Variants in FARS2 observed in about 807,000 individuals in gnomAD.
FARS2 encodes the protein phenylalanyl-tRNA synthetase 2, mitochondrial, also known as phenylalanine--tRNA ligase, mitochondrial.
In FARS2, 40 loss-of-function variants were observed where a neutral mutation model predicts 46.4. That is an observed-to-expected ratio of 0.86 (90% confidence interval 0.67 to 1.12). FARS2 has a LOEUF of 1.12. FARS2 is among the 50% of genes most tolerant of loss of function. FARS2 has a pLI of 0.00. For synonymous variants in FARS2, 234 were observed against 214.9 expected, an observed-to-expected ratio of 1.09 and a Z score of -0.78; for missense variants, 513 against 567.9, an observed-to-expected ratio of 0.90 and a Z score of 0.98.
chr6:5,337,520 T>C (rs1771246368), intron 1 of FARS2, among the ~76,000 whole-genome samples: 1 of 152,206 alleles, frequency 6.6e-6, no homozygotes, highest in Admixed American at 6.5e-5. Context: ...TTATAAAGTC[T>C]TGTGACTTGT....
chr6:5,447,046 A>G (rs186970579), intron 4 of FARS2, among the ~76,000 whole-genome samples: 245 of 152,366 alleles, frequency 1.6e-3, no homozygotes, highest in African/African-American at 5.7e-3. Flanking sequence ...AAGACCTTAC[A>G]TCTCATCCTT....
chr6:5,747,915 C>G (rs896734150), intron 6 of FARS2, among the ~76,000 whole-genome samples: 1 of 152,212 alleles, frequency 6.6e-6, no homozygotes, highest in Non-Finnish European at 1.5e-5. Flanking sequence ...TCTTAAAAAT[C>G]TATATCTGAA....
chr6:5,662,830 C>T (rs561841311), intron 6 of FARS2, among the ~76,000 whole-genome samples: 4 of 152,270 alleles, frequency 2.6e-5, no homozygotes, highest in South Asian at 4.1e-4. Context: ...TGGCAGGTTA[C>T]AATTTCTTTG....
chr6:5,379,844 C>A (rs1019923895), intron 2 of FARS2, among the ~76,000 whole-genome samples: 3 of 152,164 alleles, frequency 2.0e-5, no homozygotes, highest in Admixed American at 2.0e-4. Flanking sequence ...CCTCCAGCGA[C>A]CTCTACTGAC....
At chr6:5,532,163 G>A (rs9378960) in intron 4 of FARS2, among the ~76,000 whole-genome samples, 18,024 of 152,214 alleles carry the variant, frequency 0.12, 1,163 homozygotes, top group East Asian at 0.22. Context: ...CAGGAAATCA[G>A]CAATGACAAC....
chr6:5,695,713 T>A (rs1416373353), intron 6 of FARS2, among the ~76,000 whole-genome samples: 7 of 152,178 alleles, frequency 4.6e-5, no homozygotes, highest in Non-Finnish European at 1.0e-4. Flanking sequence ...TCTTCCTTTC[T>A]TGGAAAAGTA....
intron 6 of FARS2, among the ~76,000 whole-genome samples, chr6:5,642,324 A>G (rs956042680): frequency 4.6e-5 from 7 of 152,210 alleles, no homozygotes; most frequent in African/African-American, 1.7e-4. Context: ...TTGATCCAGG[A>G]CAATCCATGG....
rs1210475958 is a variant in FARS2 at position 5,485,661 on chromosome 6, C to T, written c.904+54489C>T. Among the ~76,000 whole-genome samples the T allele has an allele frequency of 2.0e-5, 3 of 152,258 alleles. No individual in the cohort carries two copies. In the East Asian group the frequency reaches 5.8e-4, roughly 29 times the overall value. ...GTTGTATCTTTGTCTTTTTTTAGAT[C>T]TTTTAACAAATGTAAAAAACATTTT... On this transcript the variant is annotated intron_variant, in intron 4 of 6. Transcript: ENST00000274680.
intron 1 of FARS2, among the ~76,000 whole-genome samples, chr6:5,320,932 T>C (rs1315237830): frequency 2.0e-5 from 3 of 152,162 alleles, no homozygotes; most frequent in South Asian, 2.1e-4. Context: ...TCCTCTGTTA[T>C]AAGAGCATTA....
At chr6:5,357,716 C>T (rs1263569620) in intron 1 of FARS2, among the ~76,000 whole-genome samples, 2 of 152,160 alleles carry the variant, frequency 1.3e-5, no homozygotes, top group African/African-American at 4.8e-5. Flanking sequence ...AGAGGGCAGG[C>T]AATGGAAATA....
chr6:5,568,843 G>A (rs1315598369), intron 5 of FARS2, among the ~76,000 whole-genome samples: 1 of 152,220 alleles, frequency 6.6e-6, no homozygotes, highest in Admixed American at 6.5e-5. Flanking sequence ...TCGAGGCCCG[G>A]CACAGAAGAA....
At chr6:5,745,885 T>C (rs534744142) in intron 6 of FARS2, among the ~76,000 whole-genome samples, 1 of 152,240 alleles carries the variant, frequency 6.6e-6, no homozygotes, top group East Asian at 1.9e-4. Flanking sequence ...GGGAGCCCTC[T>C]GTGACCCTGT....
At chr6:5,255,417 G>C in the FARS2 span, among the ~76,000 whole-genome samples, 2 of 152,082 alleles carry the variant, frequency 1.3e-5, no homozygotes, top group Admixed American at 6.5e-5. Context: ...TGCTGATTTA[G>C]GGGGAGGAAA....
Position 5,609,536 on chromosome 6 carries a change from A to G in FARS2, c.1066-3633A>G, listed in dbSNP as rs1051840374. 9 of 1,271,592 alleles carry G rather than the reference A, an allele frequency of 7.1e-6. No individual in the cohort carries two copies. In the African/African-American group the frequency reaches 1.0e-4, roughly 14 times the overall value. 78.8% of individuals were successfully genotyped at this position (1,271,592 alleles called of 1,614,324 possible). A position where few individuals can be genotyped will look rare whatever the true frequency, so the allele number is the denominator to read the frequency against. ...CACCATGACCACTGAAGTTTCCTCC[A>G]TGACCAAAGTTGTCATTCCCACTGA... On this transcript the variant is annotated intron_variant, in intron 5 of 6. Coordinates refer to ENST00000274680, the MANE Select transcript of FARS2 (RefSeq NM_006567.5).
At chr6:5,660,650 G>GAAAAAA (rs58377881) in intron 6 of FARS2, among the ~76,000 whole-genome samples, 2 of 104,126 alleles carry the variant, frequency 1.9e-5, no homozygotes, top group Admixed American at 1.0e-4. Context: ...CCCTGTCTCA[G>GAAAAAA]AAAAAAAAAA....
chr6:5,294,453 C>G (rs1767716139), intron 1 of FARS2, among the ~76,000 whole-genome samples: 1 of 152,112 alleles, frequency 6.6e-6, no homozygotes, highest in Admixed American at 6.5e-5. Flanking sequence ...TCCCCATACA[C>G]CAAGTGGCAG....
chr6:5,491,222 T>C (rs1767086929), intron 4 of FARS2, among the ~76,000 whole-genome samples: 1 of 152,228 alleles, frequency 6.6e-6, no homozygotes, highest in Non-Finnish European at 1.5e-5. Context: ...TATTTGTGTA[T>C]CTTCTCTTGT....
chr6:5,427,927 G>T (rs1324041467), intron 3 of FARS2, among the ~76,000 whole-genome samples: 1 of 152,134 alleles, frequency 6.6e-6, no homozygotes, highest in Non-Finnish European at 1.5e-5. Context: ...TCTCATTATA[G>T]AAGTGGTAAA....
intron 4 of FARS2, among the ~76,000 whole-genome samples, chr6:5,519,440 A>C (rs904779834): frequency 1.3e-5 from 2 of 152,180 alleles, no homozygotes; most frequent in African/African-American, 4.8e-5. Flanking sequence ...CCAAGAAGTA[A>C]AAGTATGCTA....
Sources: allele counts gnomAD v4.1 joint callset (sites outside exome capture counted in the v4.1 genomes callset), GRCh38; gene constraint gnomAD v4.1.1; transcripts MANE v1.5; gene names NCBI Gene and HGNC (gene_info 2026-07-23, HGNC 2026-07-21).